The following RAD50 variants were observed in gnomAD, a reference collection of about 807,000 sequenced individuals.
RAD50 encodes DNA repair protein RAD50.
A neutral mutation model predicts 168.8 loss-of-function variants in RAD50; 132 were observed. The observed-to-expected ratio is 0.78, with a 90% CI of 0.68 to 0.90. The LOEUF (loss-of-function observed/expected upper bound fraction) is 0.90. RAD50 is among the 40% of genes least tolerant of loss of function. The pLI is 0.00. For missense variants in RAD50, 1,347 were observed against 1,534.4 expected, an observed-to-expected ratio of 0.88 and a Z score of 2.04; for synonymous variants, 525 against 497.4, an observed-to-expected ratio of 1.06 and a Z score of -0.74.
At chr5:132,619,821 T>TCTCTCTACTC (rs1751246911) in intron 21 of RAD50, among the ~76,000 whole-genome samples, 1 of 132,310 alleles carries the variant, frequency 7.6e-6, no homozygotes, top group African/African-American at 3.0e-5. Context: ...TACTCCTCTC[T>TCTCTCTACTC]CTCTCTCTCT....
chr5:132,598,569 T>C (rs1369547913), intron 13 of RAD50, among the ~76,000 whole-genome samples: 1 of 152,078 alleles, frequency 6.6e-6, no homozygotes. Context: ...ACTTGGGGTC[T>C]TACGGTTGCA....
At position 132,636,055 on chromosome 5, in the gene RAD50, G is replaced by C. The variant is rs556903570; in HGVS notation, c.3390-1060G>C. Reference sequence around the variant, plus strand: ...AAGATCACGAAATGATTCTACAGAGGCAGTAGCATTATATTCAGTTTCTTT... The same window carrying C: ...AAGATCACGAAATGATTCTACAGAGCCAGTAGCATTATATTCAGTTTCTTT... On this transcript the variant is annotated intron_variant, in intron 21 of 24. Coordinates refer to ENST00000378823, the MANE Select transcript of RAD50 (RefSeq NM_005732.4). Among the ~76,000 whole-genome samples, 64 of 152,288 alleles carry C rather than the reference G, an allele frequency of 4.2e-4. No homozygotes were observed. In the South Asian group the frequency reaches 7.7e-3, roughly 18 times the overall value.
intron 2 of RAD50, among the ~76,000 whole-genome samples, chr5:132,574,160 G>T (rs1365887734): frequency 6.6e-6 from 1 of 152,150 alleles, no homozygotes; most frequent in East Asian, 1.9e-4. Context: ...CTTCCATATT[G>T]CCCTAGCAGA....
intron 19 of RAD50, among the ~76,000 whole-genome samples, chr5:132,611,303 A>G (rs373638326): frequency 6.6e-6 from 1 of 152,298 alleles, no homozygotes; most frequent in African/African-American, 2.4e-5. Flanking sequence ...AGGCAGGAGA[A>G]TCGCTTGAAC....
intron 23 of RAD50, 75 bp from the exon 24 acceptor site, chr5:132,640,597 T>C: frequency 6.3e-7 from 1 of 1,597,208 alleles, no homozygotes; most frequent in Non-Finnish European, 8.6e-7. Flanking sequence ...GCTGAAAAGA[T>C]CATGTCAGGA....
chr5:132,618,305 G>C lies in RAD50; in HGVS notation c.3389+11G>C. On this transcript the variant is annotated intron_variant, in intron 21 of 24. Coordinates refer to ENST00000378823, the MANE Select transcript of RAD50 (RefSeq NM_005732.4). ...TAAGACTCTTGACCAGTAAGTATTA[G>C]ACTGGGGATTTTCTTATTGCAGTTA... 5 of 1,613,624 alleles carry C rather than the reference G, an allele frequency of 3.1e-6. No individual in the cohort carries two copies. The highest frequency in any genetic ancestry group is 4.2e-6 in the Non-Finnish European group (5 of 1,179,900).
At chr5:132,636,376 A>G (rs1450139258) in intron 21 of RAD50, among the ~76,000 whole-genome samples, 1 of 152,246 alleles carries the variant, frequency 6.6e-6, no homozygotes, top group East Asian at 1.9e-4. Context: ...TGTCTGGACT[A>G]AGTGGAATTT....
At chr5:132,588,630 A>T (rs967669419) in intron 7 of RAD50, 57 bp from the exon 8 acceptor site, 1 of 1,485,272 alleles carries the variant, frequency 6.7e-7, no homozygotes, top group Non-Finnish European at 9.3e-7. Flanking sequence ...ATCTGCAGCT[A>T]TCTCAACTTT....
chr5:132,622,179 A>T (rs887109700), intron 21 of RAD50, among the ~76,000 whole-genome samples: 4 of 149,038 alleles, frequency 2.7e-5, no homozygotes, highest in Non-Finnish European at 3.0e-5. Context: ...TTTTTTTTTT[A>T]AAACAGAGTC....
intron 21 of RAD50, among the ~76,000 whole-genome samples, chr5:132,631,992 C>T (rs1161745498): frequency 6.6e-6 from 1 of 152,222 alleles, no homozygotes; most frequent in East Asian, 1.9e-4. Flanking sequence ...ATACTTCTGC[C>T]AGCTTCATTT....
chr5:132,632,502 G>A (rs766018596), intron 21 of RAD50, among the ~76,000 whole-genome samples: 5 of 151,864 alleles, frequency 3.3e-5, no homozygotes, highest in African/African-American at 7.3e-5. Context: ...TCCATTTAAC[G>A]TGGTGATAAT....
rs1561645676 is a variant in RAD50 at position 132,604,909 on chromosome 5, G to C, written c.2628G>C (p.Gln876His). Residue 876 changes from glutamine to histidine, a missense_variant, in exon 16 of 25, where the codon CAG (glutamine) becomes CAC (histidine). This residue lies in a region of RAD50 where 635 missense variants were observed against 739.2 expected (regional missense o/e 0.86). Transcript: ENST00000378823. ...TTNELKSEKLQISTNLQRRQQ... is the reference protein window; with the variant it reads ...TTNELKSEKLHISTNLQRRQQ... Reference sequence around the variant, plus strand: ...ATGAGCTAAAATCTGAGAAACTTCAGATATCCACTAATTTGCAACGTCGTC... The same window carrying C: ...ATGAGCTAAAATCTGAGAAACTTCACATATCCACTAATTTGCAACGTCGTC... 6.2e-7 allele frequency: 1 copy of C among 1,613,822 alleles called. No individual in the cohort carries two copies. Among genetic ancestry groups the C allele is most frequent in the Non-Finnish European group, 8.5e-7 (1 of 1,179,768 alleles).
intron 2 of RAD50, among the ~76,000 whole-genome samples, chr5:132,567,673 T>C (rs1346563460): frequency 6.6e-6 from 1 of 152,102 alleles, no homozygotes; most frequent in African/African-American, 2.4e-5. Flanking sequence ...AGGTGGCAAG[T>C]GGGGCTGTGA....
At chr5:132,637,529 CTTTTTT>C (rs377716981) in intron 22 of RAD50, among the ~76,000 whole-genome samples, 1 of 144,062 alleles carries the variant, frequency 6.9e-6, no homozygotes, top group Non-Finnish European at 1.5e-5. Context: ...TTTTCTTTTT[CTTTTTT>C]TTTTTTCCAG....
intron 3 of RAD50, among the ~76,000 whole-genome samples, chr5:132,577,642 TCTC>T (rs1374266215): frequency 2.0e-5 from 3 of 152,094 alleles, no homozygotes; most frequent in Non-Finnish European, 4.4e-5. Flanking sequence ...TCCTGTATCT[TCTC>T]CTTTTTTTTG....
In RAD50 at chr5:132,644,601, GA is replaced by G; in HGVS notation, c.*2242del. On this transcript the variant is annotated 3_prime_UTR_variant, in exon 25 of 25. Coordinates refer to ENST00000378823, the MANE Select transcript of RAD50 (RefSeq NM_005732.4). ...TACTAAATACTGTGTAAGTGTTCAAGAAAAAGCTGTCTTCATTTCACTCTTG... is the reference window on the plus strand; with the variant it reads ...TACTAAATACTGTGTAAGTGTTCAAGAAAAGCTGTCTTCATTTCACTCTTG... 1 of 181,866 alleles carries G rather than the reference GA, an allele frequency of 5.5e-6. No homozygotes were observed. The highest frequency in any genetic ancestry group is 1.2e-5 in the Non-Finnish European group (1 of 85,226). 11.3% of individuals were successfully genotyped at this position (181,866 alleles called of 1,614,324 possible).
intron 21 of RAD50, among the ~76,000 whole-genome samples, chr5:132,633,068 C>T (rs934333070): frequency 2.7e-5 from 4 of 146,704 alleles, no homozygotes; most frequent in African/African-American, 7.5e-5. Context: ...CCCAGTTTAT[C>T]GTTTGTCCAT....
chr5:132,600,561 A>G (rs1750871111), intron 13 of RAD50, among the ~76,000 whole-genome samples: 1 of 152,164 alleles, frequency 6.6e-6, no homozygotes, highest in Non-Finnish European at 1.5e-5. Flanking sequence ...ATATAAACCT[A>G]ACATCATGAC....
In RAD50 at chr5:132,557,223, C is replaced by T. The variant is rs1750014718; in HGVS notation, c.-102C>T. 2.7e-6 allele frequency: 4 copies of T among 1,499,328 alleles called. No individual in the cohort carries two copies. Among genetic ancestry groups the T allele is most frequent in the African/African-American group, 2.8e-5 (2 of 72,726 alleles). The allele number at this position is 1,499,328 out of a possible 1,614,324, so 92.9% of individuals were successfully genotyped here. On this transcript the variant is annotated 5_prime_UTR_variant, in exon 1 of 25. Coordinates refer to ENST00000378823, the MANE Select transcript of RAD50 (RefSeq NM_005732.4). ...CGCTCCCCGCCCGGATCCTCCTGAC[C>T]CTGAGATTCGCGGGTCTCACGTCCC...
Sources: gnomAD v4.1 joint callset for allele counts (sites outside exome capture counted in the v4.1 genomes callset) on GRCh38, gnomAD v4.1.1 for gene constraint, gnomAD v4.1.1 regional missense constraint, MANE v1.5 for transcripts, NCBI Gene and HGNC (gene_info 2026-07-23, HGNC 2026-07-21) for gene names.